PTPRD: variants seen among roughly 807,000 people sequenced by gnomAD.
PTPRD encodes the protein protein tyrosine phosphatase receptor type D, also known as receptor-type tyrosine-protein phosphatase delta.
PTPRD carries 34 observed loss-of-function variants against 214.5 expected under a neutral mutation model. The observed-to-expected ratio is 0.16, with a 90% confidence interval of 0.12 to 0.21. PTPRD has a LOEUF of 0.21. PTPRD is among the 10% of genes least tolerant of loss of function. PTPRD has a pLI of 1.00. For synonymous variants in PTPRD, 1,128 were observed against 845.7 expected, an observed-to-expected ratio of 1.33 and a Z score of -5.79; for missense variants, 2,545 against 2,398.7, an observed-to-expected ratio of 1.06 and a Z score of -1.27.
At chr9:9,589,687 T>C (rs2092507952) in intron 7 of PTPRD, among the ~76,000 whole-genome samples, 2 of 152,018 alleles carry the variant, frequency 1.3e-5, no homozygotes, top group Non-Finnish European at 2.9e-5. Context: ...CCATGGATTA[T>C]AAGACAACCC....
At chr9:9,990,879 C>A (rs2095889558) in intron 4 of PTPRD, among the ~76,000 whole-genome samples, 1 of 151,316 alleles carries the variant, frequency 6.6e-6, no homozygotes, top group Admixed American at 6.6e-5. Flanking sequence ...GTCTCAGTGT[C>A]AACATAGTTT....
chr9:10,577,117 A>G (rs2069668845), intron 2 of PTPRD, among the ~76,000 whole-genome samples: 2 of 152,074 alleles, frequency 1.3e-5, no homozygotes, highest in Admixed American at 1.3e-4. Flanking sequence ...TTAAACCACT[A>G]TGCATACTGG....
intron 9 of PTPRD, among the ~76,000 whole-genome samples, chr9:9,324,583 G>A (rs945055219): frequency 1.3e-5 from 2 of 152,114 alleles, no homozygotes; most frequent in African/African-American, 4.8e-5. Context: ...TGTAGATTCT[G>A]GATATTAGCC....
chr9:8,948,434 TA>T (rs2099079936), intron 11 of PTPRD, among the ~76,000 whole-genome samples: 1 of 16,318 alleles, frequency 6.1e-5, no homozygotes, highest in South Asian at 5.7e-3. Flanking sequence ...TTTATATATA[TA>T]TTTACATATA....
At chr9:9,078,804 G>T (rs148312046) in intron 10 of PTPRD, among the ~76,000 whole-genome samples, 1,633 of 152,122 alleles carry the variant, frequency 0.011, 15 homozygotes, top group Middle Eastern at 0.02. Context: ...CCAAAATATT[G>T]GGGCAGTGGG....
At chr9:10,126,700 T>C (rs1484359040) in intron 3 of PTPRD, among the ~76,000 whole-genome samples, 1 of 152,156 alleles carries the variant, frequency 6.6e-6, no homozygotes, top group Non-Finnish European at 1.5e-5. Flanking sequence ...TTAACATAGC[T>C]GTCTAGATAT....
intron 9 of PTPRD, among the ~76,000 whole-genome samples, chr9:9,315,135 C>T (rs1226168580): frequency 1.3e-5 from 2 of 151,848 alleles, no homozygotes; most frequent in South Asian, 4.1e-4. Flanking sequence ...AACATATTTC[C>T]CCTTTCTTCT....
intron 8 of PTPRD, among the ~76,000 whole-genome samples, chr9:9,479,137 G>C (rs1463409740): frequency 6.7e-6 from 1 of 148,996 alleles, no homozygotes; most frequent in Non-Finnish European, 1.5e-5. Flanking sequence ...AGAAGAACTA[G>C]ATGGTCATTT....
chr9:8,776,893 T>C (rs1023100662), intron 11 of PTPRD, among the ~76,000 whole-genome samples: 4 of 146,034 alleles, frequency 2.7e-5, no homozygotes, highest in Non-Finnish European at 6.0e-5. Flanking sequence ...ATGAATATTA[T>C]ATAATACATA....
intron 12 of PTPRD, among the ~76,000 whole-genome samples, chr9:8,691,566 T>C (rs545961208): frequency 7.5e-4 from 114 of 152,288 alleles, no homozygotes; most frequent in Non-Finnish European, 1.3e-3. Context: ...TTTTGAAACC[T>C]TCATTACATA....
chr9:8,496,522 A>T (rs908875159), intron 26 of PTPRD, among the ~76,000 whole-genome samples: 6 of 152,326 alleles, frequency 3.9e-5, no homozygotes, highest in African/African-American at 1.4e-4. Context: ...TAAATAACAT[A>T]GAGTTTTCAT....
chr9:10,185,449 A>G (rs2099325776), intron 3 of PTPRD, among the ~76,000 whole-genome samples: 1 of 152,190 alleles, frequency 6.6e-6, no homozygotes, highest in African/African-American at 2.4e-5. Context: ...TAGCATTTAT[A>G]TCTTTCCTCC....
chr9:10,448,430 C>T (rs1487499856), intron 2 of PTPRD, among the ~76,000 whole-genome samples: 1 of 151,836 alleles, frequency 6.6e-6, no homozygotes, highest in Non-Finnish European at 1.5e-5. Flanking sequence ...TCATATTAAT[C>T]AAGATCATAT....
chr9:9,231,434 G>C (rs957486276), intron 9 of PTPRD, among the ~76,000 whole-genome samples: 4 of 152,110 alleles, frequency 2.6e-5, no homozygotes, highest in African/African-American at 9.7e-5. Flanking sequence ...TCCTGGAACT[G>C]ATATAATAAA....
At chr9:9,209,985 T>C (rs540454577) in intron 9 of PTPRD, among the ~76,000 whole-genome samples, 12 of 152,286 alleles carry the variant, frequency 7.9e-5, no homozygotes, top group African/African-American at 2.9e-4. Flanking sequence ...CCCAGATAGA[T>C]GATTATCACG....
chr9:9,220,310 C>CTTTTTTTTTTTTTTTTTTTTT (rs57322129), intron 9 of PTPRD, among the ~76,000 whole-genome samples: 1 of 117,792 alleles, frequency 8.5e-6, no homozygotes, highest in Admixed American at 8.1e-5. Flanking sequence ...CTTGCTTTTG[C>CTTTTTTTTTTTTTTTTTTTTT]TTTTTTTTTA....
At chr9:8,505,119 T>C (rs1378198715) in intron 22 of PTPRD, among the ~76,000 whole-genome samples, 4 of 152,196 alleles carry the variant, frequency 2.6e-5, no homozygotes, top group East Asian at 1.9e-4. Context: ...ACTTTTGATA[T>C]ACGATTTCGT....
chr9:9,539,077 A>G (rs1233202254), intron 8 of PTPRD, among the ~76,000 whole-genome samples: 2 of 151,926 alleles, frequency 1.3e-5, no homozygotes, highest in South Asian at 2.1e-4. Flanking sequence ...ATAATTTCAC[A>G]TAAGTACTAT....
intron 33 of PTPRD, among the ~76,000 whole-genome samples, chr9:8,455,087 T>C (rs144101137): frequency 3.5e-4 from 53 of 152,322 alleles, no homozygotes; most frequent in African/African-American, 1.1e-3. Context: ...GCAAATTGTA[T>C]TGAACTATAC....
Sources: allele counts gnomAD v4.1 joint callset (sites outside exome capture counted in the v4.1 genomes callset), GRCh38; gene constraint gnomAD v4.1.1; transcripts MANE v1.5; gene names NCBI Gene and HGNC (gene_info 2026-07-23, HGNC 2026-07-21).